The following C8orf34 variants were observed in gnomAD, a reference collection of about 807,000 sequenced individuals.
The protein encoded by C8orf34 is chromosome 8 open reading frame 34, also known as uncharacterized protein C8orf34.
Under a neutral mutation model 68.3 loss-of-function variants are expected in C8orf34, and 65 were observed. That is an observed-to-expected ratio of 0.95 (90% CI 0.78 to 1.17). The LOEUF (loss-of-function observed/expected upper bound fraction) is 1.17. C8orf34 is among the 50% of genes most tolerant of loss of function. The pLI is 0.00. For missense variants in C8orf34, 664 were observed against 655.4 expected, an observed-to-expected ratio of 1.01 and a Z score of -0.14; for synonymous variants, 244 against 241.2, an observed-to-expected ratio of 1.01 and a Z score of -0.11.
intron 7 of C8orf34, among the ~76,000 whole-genome samples, chr8:68,619,209 C>T (rs1164070058): frequency 2.0e-5 from 3 of 152,072 alleles, no homozygotes; most frequent in Non-Finnish European, 2.9e-5. Context: ...GCCTATAGTC[C>T]CAGCTACTTG....
chr8:68,749,497 A>G (rs1822633192), intron 10 of C8orf34, among the ~76,000 whole-genome samples: 1 of 152,170 alleles, frequency 6.6e-6, no homozygotes, highest in Admixed American at 6.5e-5. Context: ...GTATATAATA[A>G]ACATTTTTAA....
chr8:68,353,508 G>GTA (rs951619325), intron 1 of C8orf34, among the ~76,000 whole-genome samples: 1 of 150,248 alleles, frequency 6.7e-6, no homozygotes, highest in Non-Finnish European at 1.5e-5. Flanking sequence ...TGTATTGTGT[G>GTA]TATATATATG....
intron 1 of C8orf34, among the ~76,000 whole-genome samples, chr8:68,407,516 T>C (rs1318623396): frequency 1.3e-5 from 2 of 152,182 alleles, no homozygotes; most frequent in Non-Finnish European, 2.9e-5. Context: ...TATTTTATTA[T>C]ATTATTTTGT....
intron 10 of C8orf34, among the ~76,000 whole-genome samples, chr8:68,743,027 C>T (rs557162132): frequency 8.5e-5 from 13 of 152,260 alleles, no homozygotes; most frequent in African/African-American, 2.9e-4. Context: ...CTTCTGGTCC[C>T]TATTTTATTC....
chr8:68,693,900 A>G (rs955136068), intron 8 of C8orf34, among the ~76,000 whole-genome samples: 1 of 152,052 alleles, frequency 6.6e-6, no homozygotes, highest in African/African-American at 2.4e-5. Context: ...TTAATAATAA[A>G]TTAAGAATGA....
intron 12 of C8orf34, among the ~76,000 whole-genome samples, chr8:68,803,951 A>G (rs1266652287): frequency 1.3e-5 from 2 of 152,152 alleles, no homozygotes; most frequent in Non-Finnish European, 2.9e-5. Flanking sequence ...GCTTATGAAC[A>G]CTTATTACAA....
At chr8:68,730,087 G>C (rs1821938550) in intron 10 of C8orf34, among the ~76,000 whole-genome samples, 1 of 152,028 alleles carries the variant, frequency 6.6e-6, no homozygotes, top group Admixed American at 6.6e-5. Context: ...GGAAAACTAG[G>C]CACACAGCTA....
At position 68,661,508 on chromosome 8, in the gene C8orf34, C is replaced by T. The variant is rs573564990; in HGVS notation, c.1241+20997C>T. Among the ~76,000 whole-genome samples the T allele has an allele frequency of 5.3e-5, 8 of 152,266 alleles. No individual in the cohort carries two copies. The South Asian group carries it at 1.5e-3, about 28-fold the overall frequency. ...ATGGAATAGAATTTATTAAGTGAAACGAAGACAAGGTCTAAGGAAACGAAA... is the reference window on the plus strand; with the variant it reads ...ATGGAATAGAATTTATTAAGTGAAATGAAGACAAGGTCTAAGGAAACGAAA... On this transcript the variant is annotated intron_variant, in intron 8 of 13. Coordinates refer to ENST00000518698, the MANE Select transcript of C8orf34 (RefSeq NM_052958.4).
intron 7 of C8orf34, among the ~76,000 whole-genome samples, chr8:68,565,430 G>A (rs192314997): frequency 1.4e-4 from 22 of 152,276 alleles, no homozygotes; most frequent in African/African-American, 5.1e-4. Flanking sequence ...TTATTCCCCA[G>A]CTGTCTCTGA....
intron 3 of C8orf34, among the ~76,000 whole-genome samples, chr8:68,467,014 C>T (rs1474219228): frequency 2.0e-5 from 3 of 151,736 alleles, no homozygotes; most frequent in Admixed American, 2.0e-4. Context: ...GAGATTTCTA[C>T]CCAACTCGGC....
intron 1 of C8orf34, among the ~76,000 whole-genome samples, chr8:68,437,528 G>T (rs1810713541): frequency 6.6e-6 from 1 of 152,060 alleles, no homozygotes; most frequent in Admixed American, 6.6e-5. Context: ...ATACATAATA[G>T]AGGTAAAATC....
chr8:68,734,810 G>T (rs1437457083), intron 10 of C8orf34, among the ~76,000 whole-genome samples: 1 of 152,146 alleles, frequency 6.6e-6, no homozygotes, highest in Non-Finnish European at 1.5e-5. Flanking sequence ...CATCTGGCGG[G>T]TAGTGGGATA....
At chr8:68,357,486 A>T (rs1806798657) in intron 1 of C8orf34, among the ~76,000 whole-genome samples, 1 of 152,220 alleles carries the variant, frequency 6.6e-6, no homozygotes, top group African/African-American at 2.4e-5. Flanking sequence ...GGGAACACAG[A>T]GATCAACATT....
At chr8:68,700,958 G>C (rs1046861562) in intron 8 of C8orf34, among the ~76,000 whole-genome samples, 3 of 152,090 alleles carry the variant, frequency 2.0e-5, no homozygotes, top group Non-Finnish European at 4.4e-5. Flanking sequence ...GCCGACTTTA[G>C]ACGAGAAAGA....
At chr8:68,461,068 A>G (rs562560182) in intron 3 of C8orf34, among the ~76,000 whole-genome samples, 10 of 152,352 alleles carry the variant, frequency 6.6e-5, no homozygotes, top group African/African-American at 2.2e-4. Context: ...ATGTATAACT[A>G]GAATAACCAA....
intron 10 of C8orf34, among the ~76,000 whole-genome samples, chr8:68,751,019 A>G (rs1239418032): frequency 6.6e-6 from 1 of 152,146 alleles, no homozygotes; most frequent in Non-Finnish European, 1.5e-5. Context: ...TGTTGTTCCA[A>G]AATTGTTTGA....
At position 68,521,816 on chromosome 8, in the gene C8orf34, T is replaced by G. The variant is rs140632747; in HGVS notation, c.783T>G (p.Asn261Lys). ...CTCTTCAGGAAACAGTGACATTTAA[T>G]TCTTCTCTTCTGAGGCCCCGTGTGA... Reference protein sequence around the residue: ...DELDKETVTFNSSLLRPRVIG... With the variant: ...DELDKETVTFKSSLLRPRVIG... The change falls in exon 6 of 14, where the codon AAT becomes AAG. Residue 261 changes from asparagine to lysine, a missense_variant. Transcript: ENST00000518698. 1.1e-4 allele frequency: 175 copies of G among 1,613,350 alleles called. No homozygotes were observed. The highest frequency in any genetic ancestry group is 1.7e-4 in the Middle Eastern group (1 of 6,054).
At chr8:68,637,529 T>G (rs548792636) in intron 7 of C8orf34, among the ~76,000 whole-genome samples, 4 of 152,216 alleles carry the variant, frequency 2.6e-5, no homozygotes, top group South Asian at 4.2e-4. Context: ...TAGTATCTGG[T>G]AGGAACACAC....
chr8:68,417,179 A>T (rs1396025359), intron 1 of C8orf34, among the ~76,000 whole-genome samples: 3 of 152,234 alleles, frequency 2.0e-5, no homozygotes, highest in Non-Finnish European at 4.4e-5. Flanking sequence ...GTTATTTTTA[A>T]GAAGTTAATG....
Sources: gnomAD v4.1 joint callset for allele counts (sites outside exome capture counted in the v4.1 genomes callset) on GRCh38, gnomAD v4.1.1 for gene constraint, MANE v1.5 for transcripts, NCBI Gene and HGNC (gene_info 2026-07-23, HGNC 2026-07-21) for gene names.